The following CRTC1 variants were observed in gnomAD, a reference collection of about 807,000 sequenced individuals.
The protein encoded by CRTC1 is CREB-regulated transcription coactivator 1.
In CRTC1, 18 loss-of-function variants were observed where a neutral mutation model predicts 66.1. The observed-to-expected ratio is 0.27, with a 90% CI of 0.19 to 0.40. The LOEUF (loss-of-function observed/expected upper bound fraction) is 0.40, where lower values mean the gene tolerates loss of function less well. CRTC1 is among the 10% of genes least tolerant of loss of function. CRTC1 has a pLI of 1.00. For synonymous variants in CRTC1, 416 were observed against 398.8 expected, an observed-to-expected ratio of 1.04 and a Z score of -0.51; for missense variants, 669 against 887.9, an observed-to-expected ratio of 0.75 and a Z score of 3.13.
intron 1 of CRTC1, among the ~76,000 whole-genome samples, chr19:18,708,755 C>T (rs1021015148): frequency 6.6e-6 from 1 of 152,196 alleles, no homozygotes; most frequent in African/African-American, 2.4e-5. Context: ...CCCTTCCCAC[C>T]GCCGTTCGGG....
At chr19:18,743,446 C>T (rs536607886) in intron 2 of CRTC1, among the ~76,000 whole-genome samples, 24 of 152,352 alleles carry the variant, frequency 1.6e-4, no homozygotes, top group Admixed American at 1.5e-3. Context: ...CAGCGCGGCT[C>T]CCGCAGGCCG....
chr19:18,722,984 A>C (rs961732223), intron 1 of CRTC1, among the ~76,000 whole-genome samples: 1 of 151,834 alleles, frequency 6.6e-6, no homozygotes, highest in Non-Finnish European at 1.5e-5. Context: ...TCTCTTGCCC[A>C]GGCTGGAGTG....
At chr19:18,744,151 C>T (rs2054175205) in intron 2 of CRTC1, 2 of 1,611,774 alleles carry the variant, frequency 1.2e-6, no homozygotes, top group Non-Finnish European at 1.7e-6. Flanking sequence ...GCTCCTGTCT[C>T]TCTGGTAAAT....
chr19:18,777,484 T>A lies in CRTC1; in HGVS notation c.*102T>A, dbSNP rs747363016. 3 of 1,156,252 alleles carry A rather than the reference T, an allele frequency of 2.6e-6. No homozygotes were observed. Among genetic ancestry groups the A allele is most frequent in the Non-Finnish European group, 3.8e-6 (3 of 784,582 alleles). 71.6% of individuals were successfully genotyped at this position (1,156,252 alleles called of 1,614,324 possible). A position where few individuals can be genotyped will look rare whatever the true frequency, so the allele number is the denominator to read the frequency against. On this transcript the variant is annotated 3_prime_UTR_variant, in exon 14 of 14. Coordinates refer to ENST00000321949, the MANE Select transcript of CRTC1 (RefSeq NM_015321.3). This position sits in a 1 kb window ranked among gnomAD's most constrained non-coding sequence, Gnocchi z 5.5. Reference sequence around the variant, plus strand: ...TCGCCAACGGCCGAGCTTGTGATTCTGAGCTTGCAATGCCGCCAAGCGCCC... The same window carrying A: ...TCGCCAACGGCCGAGCTTGTGATTCAGAGCTTGCAATGCCGCCAAGCGCCC...
intron 1 of CRTC1, among the ~76,000 whole-genome samples, chr19:18,688,956 T>G (rs2052756624): frequency 6.6e-6 from 1 of 152,108 alleles, no homozygotes; most frequent in South Asian, 2.1e-4. Context: ...TGCTTTCTTT[T>G]TTTTTGGAGA....
intron 3 of CRTC1, 86 bp from the exon 4 acceptor site, chr19:18,746,967 C>T: frequency 7.4e-7 from 1 of 1,344,078 alleles, no homozygotes; most frequent in Non-Finnish European, 1.1e-6. Context: ...CCCAGCCAGC[C>T]AGCCGGGGCT....
intron 1 of CRTC1, among the ~76,000 whole-genome samples, chr19:18,702,838 A>G (rs2053178292): frequency 6.6e-6 from 1 of 152,076 alleles, no homozygotes; most frequent in African/African-American, 2.4e-5. Context: ...GACTTTGTGA[A>G]AAGTTTTGGA....
intron 1 of CRTC1, among the ~76,000 whole-genome samples, chr19:18,707,731 A>G (rs2053297575): frequency 6.6e-6 from 1 of 152,186 alleles, no homozygotes; most frequent in Non-Finnish European, 1.5e-5. Context: ...ACAGTGGTTC[A>G]CGCCTGTAAT....
In CRTC1 at chr19:18,777,720, G is replaced by A. The variant is rs576552608; in HGVS notation, c.*338G>A. 6.3e-5 allele frequency: 23 copies of A among 364,338 alleles called. No individual in the cohort carries two copies. Among genetic ancestry groups the A allele is most frequent in the Non-Finnish European group, 1.1e-4 (21 of 198,628 alleles). The allele number at this position is 364,338 out of a possible 1,614,324, so 22.6% of individuals were successfully genotyped here. A position where few individuals can be genotyped will look rare whatever the true frequency, so the allele number is the denominator to read the frequency against. On this transcript the variant is annotated 3_prime_UTR_variant, in exon 14 of 14. Coordinates refer to ENST00000321949, the MANE Select transcript of CRTC1 (RefSeq NM_015321.3). The surrounding 1 kb of genome is among the most constrained non-coding windows in gnomAD (Gnocchi z 5.5). ...TAAGATGCGGGAAGTGTCAGCTCCC[G>A]GCGTGGCGGGCAGGCTCAGGGGAGG...
intron 1 of CRTC1, among the ~76,000 whole-genome samples, chr19:18,715,816 A>AG (rs898788091): frequency 6.6e-6 from 1 of 152,126 alleles, no homozygotes; most frequent in Non-Finnish European, 1.5e-5. Context: ...GTCCCAGCCA[A>AG]GGGGCCCACC....
At chr19:18,698,394 TCAG>T (rs1017174590) in intron 1 of CRTC1, among the ~76,000 whole-genome samples, 2 of 149,832 alleles carry the variant, frequency 1.3e-5, no homozygotes, top group Non-Finnish European at 3.0e-5. Context: ...CAGTTTGTAC[TCAG>T]CAGGCGCTCA....
intron 1 of CRTC1, among the ~76,000 whole-genome samples, chr19:18,692,144 A>C (rs1308665845): frequency 6.6e-6 from 1 of 151,948 alleles, no homozygotes; most frequent in East Asian, 1.9e-4. Context: ...CATCCAGTGT[A>C]GAGCAAGGGC....
intron 1 of CRTC1, among the ~76,000 whole-genome samples, chr19:18,737,253 T>G (rs2054017421): frequency 8.1e-6 from 1 of 123,114 alleles, no homozygotes; most frequent in Non-Finnish European, 1.7e-5. Context: ...TATAGAGGGG[T>G]CAGGTGGGGG....
chr19:18,702,478 C>T (rs1463585069), intron 1 of CRTC1, among the ~76,000 whole-genome samples: 9 of 151,904 alleles, frequency 5.9e-5, no homozygotes, highest in Admixed American at 5.9e-4. Flanking sequence ...CTCCTCCTGC[C>T]TGGGCCTCCC....
chr19:18,691,798 CCTT>C (rs1042806242), intron 1 of CRTC1, among the ~76,000 whole-genome samples: 18 of 152,000 alleles, frequency 1.2e-4, no homozygotes, highest in African/African-American at 4.4e-4. Context: ...ACTGCAACCT[CCTT>C]CTCCCGTGTT....
chr19:18,721,028 A>T (rs561550736), intron 1 of CRTC1, among the ~76,000 whole-genome samples: 3 of 152,076 alleles, frequency 2.0e-5, no homozygotes, highest in Non-Finnish European at 4.4e-5. Context: ...GCTCTAGGGG[A>T]GGATCCTTCC....
chr19:18,765,331 G>A, intron 8 of CRTC1, 73 bp from the exon 9 acceptor site: 1 of 1,547,030 alleles, frequency 6.5e-7, no homozygotes. Context: ...CAGTGTGACT[G>A]TGGGTGTGTA....
intron 1 of CRTC1, among the ~76,000 whole-genome samples, chr19:18,685,646 A>G (rs2052668789): frequency 6.6e-6 from 1 of 152,264 alleles, no homozygotes; most frequent in African/African-American, 2.4e-5. Context: ...GACAAGAGTG[A>G]AACTCCATTT....
chr19:18,726,857 T>C (rs1049758799), intron 1 of CRTC1, among the ~76,000 whole-genome samples: 20 of 130,748 alleles, frequency 1.5e-4, no homozygotes, highest in African/African-American at 6.0e-4. Context: ...ACCCAGGAGG[T>C]GGAGGTTGCA....
Sources: gnomAD v4.1 joint callset for allele counts (sites outside exome capture counted in the v4.1 genomes callset) on GRCh38, gnomAD v4.1.1 for gene constraint, Gnocchi (gnomAD v3.1) non-coding constraint, MANE v1.5 for transcripts, NCBI Gene and HGNC (gene_info 2026-07-23, HGNC 2026-07-21) for gene names.